RFC4: variants seen among roughly 807,000 people sequenced by gnomAD.
RFC4 encodes the protein replication factor C subunit 4.
In RFC4, 38 loss-of-function variants were observed where a neutral mutation model predicts 47.6. The ratio of observed to expected loss-of-function variants is 0.80; its 90% confidence interval spans 0.62 to 1.05. The LOEUF is 1.05. RFC4 is among the 50% of genes least tolerant of loss of function. The pLI is 0.00. For missense variants in RFC4, 489 were observed against 434.0 expected (o/e 1.13, Z -1.13); for synonymous variants, 164 against 150.0 (o/e 1.09, Z -0.68).
chr3:186,790,281 G>A, intron 9 of RFC4, 26 bp from the exon 10 acceptor site: 1 of 1,610,100 alleles, frequency 6.2e-7, no homozygotes, highest in Non-Finnish European at 8.5e-7. Context: ...CTTTTGGTAT[G>A]ATGACTTAAT....
At chr3:186,791,469 C>CAA (rs1294540136) in intron 8 of RFC4, 1,144 of 340,690 alleles carry the variant, frequency 3.4e-3, no homozygotes, top group South Asian at 4.7e-3. Flanking sequence ...GACTCTGTCT[C>CAA]AAAAAAAAAA....
At chr3:186,799,220 T>G (rs967587373) in intron 3 of RFC4, among the ~76,000 whole-genome samples, 1 of 152,236 alleles carries the variant, frequency 6.6e-6, no homozygotes. Context: ...TGTAGTACAT[T>G]CAAGAACTGT....
At chr3:186,797,349 G>A (rs565546075) in intron 4 of RFC4, among the ~76,000 whole-genome samples, 186 bp downstream of exon 4, 3 of 152,308 alleles carry the variant, frequency 2.0e-5, no homozygotes, top group South Asian at 2.1e-4. Flanking sequence ...CACAAAAGAC[G>A]CAGGCAAGCT....
At chr3:186,803,238 G>A (rs536636082) in intron 2 of RFC4, among the ~76,000 whole-genome samples, 1 of 152,098 alleles carries the variant, frequency 6.6e-6, no homozygotes, top group East Asian at 1.9e-4. Flanking sequence ...AGCTACTCGG[G>A]AGGCTGAGGC....
intron 4 of RFC4, among the ~76,000 whole-genome samples, chr3:186,795,403 ATGAC>A (rs1398046475): frequency 1.3e-5 from 2 of 152,238 alleles, no homozygotes; most frequent in African/African-American, 4.8e-5. Flanking sequence ...ATTCCATCCT[ATGAC>A]TGTACCATCA....
chr3:186,804,543 A>C (rs1348363410), intron 2 of RFC4, 40 bp downstream of exon 2: 3 of 1,603,884 alleles, frequency 1.9e-6, no homozygotes, highest in Non-Finnish European at 2.6e-6. Flanking sequence ...TTAGAGAGAT[A>C]ATTTATGAAT....
chr3:186,795,398 A>G (rs767987648), intron 4 of RFC4, among the ~76,000 whole-genome samples: 2 of 152,250 alleles, frequency 1.3e-5, no homozygotes, highest in African/African-American at 2.4e-5. Flanking sequence ...ATGATATTCC[A>G]TCCTATGACT....
intron 3 of RFC4, among the ~76,000 whole-genome samples, chr3:186,799,604 T>C (rs979431202): frequency 7.2e-5 from 11 of 152,058 alleles, no homozygotes; most frequent in African/African-American, 2.7e-4. Flanking sequence ...TCCCAGCTAC[T>C]TGGGAGGCTG....
chr3:186,794,282 G>A (rs1722199543), intron 5 of RFC4, among the ~76,000 whole-genome samples: 1 of 152,188 alleles, frequency 6.6e-6, no homozygotes, highest in Admixed American at 6.5e-5. Context: ...GGATCTCAGA[G>A]TCTTTTAGTC....
At chr3:186,794,216 C>T (rs1397917084) in intron 5 of RFC4, among the ~76,000 whole-genome samples, 1 of 152,164 alleles carries the variant, frequency 6.6e-6, no homozygotes, top group African/African-American at 2.4e-5. Context: ...GTGGCATTAA[C>T]ATAATTGTAT....
intron 9 of RFC4, 27 bp downstream of exon 9, chr3:186,790,299 T>G: frequency 6.2e-7 from 1 of 1,612,124 alleles, no homozygotes; most frequent in Non-Finnish European, 8.5e-7. Context: ...AATATTCCTT[T>G]CCCCAAAGTT....
chr3:186,799,457 T>G (rs911780251), intron 3 of RFC4, among the ~76,000 whole-genome samples: 3 of 152,206 alleles, frequency 2.0e-5, no homozygotes, highest in African/African-American at 7.2e-5. Flanking sequence ...GAACTAGATC[T>G]TAGGCTGGGC....
At chr3:186,799,118 G>A (rs994912037) in intron 3 of RFC4, among the ~76,000 whole-genome samples, 6 of 152,082 alleles carry the variant, frequency 3.9e-5, no homozygotes, top group African/African-American at 1.2e-4. Flanking sequence ...ACAATGTAAC[G>A]ATTCATCCAG....
At chr3:186,790,552 G>T in intron 8 of RFC4, 146 bp from the exon 9 acceptor site, 1 of 667,510 alleles carries the variant, frequency 1.5e-6, no homozygotes, top group Non-Finnish European at 2.7e-6. Context: ...AACGGAAAGG[G>T]CCAGAGTAAC....
At position 186,790,324 on chromosome 3, in the gene RFC4, AC is replaced by A; in HGVS notation, c.882+1del. 1 of 1,612,952 alleles carries A rather than the reference AC, an allele frequency of 6.2e-7. No homozygotes were observed. Among genetic ancestry groups the A allele is most frequent in the East Asian group, 2.2e-5 (1 of 44,878 alleles). ...TCCCCAAAGTTAGTAAGCTGACTTT[AC>A]CTTGACCACAGCTTCTAGTTTGTCA... On this transcript the variant is annotated splice_donor_variant, in intron 9 of 10. Transcript: ENST00000296273. LOFTEE classifies it high-confidence loss of function.
chr3:186,797,381 G>A (rs1487691408), intron 4 of RFC4, among the ~76,000 whole-genome samples, 154 bp downstream of exon 4: 2 of 152,198 alleles, frequency 1.3e-5, no homozygotes, highest in African/African-American at 4.8e-5. Context: ...GGGAGTGAGG[G>A]AGGAACAAAA....
chr3:186,792,899 A>G lies in RFC4; in HGVS notation c.459T>C (p.Asp153=), dbSNP rs1722172767. The change falls in exon 6 of 11, where the codon GAT becomes GAC. Residue 153 remains aspartate, a synonymous_variant. Coordinates refer to ENST00000296273, the MANE Select transcript of RFC4 (RefSeq NM_002916.5). ...PFKIVILDEA[D]SMTSAAQAAL... ...CTGCCTGAGCAGCTGAGGTCATAGA[A>G]TCTGCTTCATCCAGAATCACAATCT... The G allele has an allele frequency of 6.2e-7, 1 of 1,614,022 alleles. No individual in the cohort carries two copies. The highest frequency in any genetic ancestry group is 8.5e-7 in the Non-Finnish European group (1 of 1,179,950).
rs992768970 is a variant in RFC4, at chr3:186,804,636, C to T, written c.78G>A (p.Ala26=). Residue 26 remains alanine (A), a synonymous_variant, in exon 2 of 11, where the codon GCG becomes GCA. Transcript: ENST00000296273. The stretch of plus-strand genomic sequence containing the variant: ...CTTTCTTGTTCTCTCCGCTACTTCC[C>T]GCACTGGCAGCTACTCCTCGATCCT... The part of the protein sequence containing the change: ...LTKDRGVAAS[A]GSSGENKKAK... 6 of 1,613,956 alleles carry T rather than the reference C, an allele frequency of 3.7e-6. No individual in the cohort carries two copies. The highest frequency in any genetic ancestry group is 2.7e-5 in the African/African-American group (2 of 74,878).
At chr3:186,791,028 A>G (rs1356236378) in intron 8 of RFC4, among the ~76,000 whole-genome samples, 1 of 152,242 alleles carries the variant, frequency 6.6e-6, no homozygotes, top group Non-Finnish European at 1.5e-5. Context: ...GAGTTTTTAC[A>G]TGGGAGTATC....
Sources: gnomAD v4.1 joint callset for allele counts (sites outside exome capture counted in the v4.1 genomes callset) on GRCh38, gnomAD v4.1.1 for gene constraint, MANE v1.5 for transcripts, NCBI Gene and HGNC (gene_info 2026-07-23, HGNC 2026-07-21) for gene names.